The following PCDH15 variants were observed in gnomAD, a reference collection of about 807,000 sequenced individuals.
The protein encoded by PCDH15 is protocadherin related 15.
Under a neutral mutation model 178.5 loss-of-function variants are expected in PCDH15, and 129 were observed. That is an observed-to-expected ratio of 0.72 (90% CI 0.63 to 0.84). The LOEUF (loss-of-function observed/expected upper bound fraction) is 0.84. Ranked by LOEUF, PCDH15 falls within the 40% of genes least tolerant of loss-of-function variation. PCDH15 has a pLI of 0.00. For synonymous variants in PCDH15, 800 were observed against 732.0 expected (o/e 1.09, Z -1.50); for missense variants, 2,230 against 2,099.9 (o/e 1.06, Z -1.21).
intron 2 of PCDH15, among the ~76,000 whole-genome samples, chr10:55,523,493 G>GT (rs1054886013): frequency 5.3e-5 from 8 of 151,288 alleles, no homozygotes; most frequent in East Asian, 1.9e-4. Context: ...CTTACCTATC[G>GT]TTTTTTATGA....
intron 9 of PCDH15, among the ~76,000 whole-genome samples, chr10:54,217,079 C>T (rs1208408711): frequency 1.3e-5 from 2 of 151,948 alleles, no homozygotes; most frequent in Non-Finnish European, 2.9e-5. Context: ...TAGACTGTAA[C>T]ATAAAAAATT....
chr10:55,408,977 T>C (rs988446137), intron 2 of PCDH15, among the ~76,000 whole-genome samples: 14 of 152,212 alleles, frequency 9.2e-5, no homozygotes, highest in Non-Finnish European at 1.9e-4. Flanking sequence ...GTTTTTATCC[T>C]AATTCACTTG....
At chr10:54,375,003 T>C (rs1948194079) in intron 4 of PCDH15, among the ~76,000 whole-genome samples, 1 of 152,106 alleles carries the variant, frequency 6.6e-6, no homozygotes, top group South Asian at 2.1e-4. Flanking sequence ...AGACAGTTTA[T>C]TGCCTCAATG....
chr10:55,566,471 T>C (rs1270205790), intron 2 of PCDH15, among the ~76,000 whole-genome samples: 1 of 150,882 alleles, frequency 6.6e-6, no homozygotes, highest in Non-Finnish European at 1.5e-5. Flanking sequence ...GAAAAAAATA[T>C]GAAAGGAAAA....
chr10:54,236,501 G>C (rs755471460), intron 9 of PCDH15, among the ~76,000 whole-genome samples: 1 of 151,766 alleles, frequency 6.6e-6, no homozygotes, highest in Non-Finnish European at 1.5e-5. Context: ...TTATATTAAA[G>C]CTGAAAGTTG....
In PCDH15 at chr10:54,134,071, A is replaced by G. The variant is rs560111978; in HGVS notation, c.1785-1064T>C. 2.2e-5 allele frequency among the ~76,000 whole-genome samples: 3 copies of G among 134,780 alleles called. 1 individual carries two copies. Among genetic ancestry groups the G allele is most frequent in the Non-Finnish European group, 4.8e-5 (3 of 62,218 alleles). The allele number at this position is 134,780 out of a possible 152,430, so 88.4% of individuals were successfully genotyped here. A position where few individuals can be genotyped will look rare whatever the true frequency, so the allele number is the denominator to read the frequency against. ...ATTTATTTATTTATTTGAGACGGAG[A>G]GTTGCTCTCCAGCCCAGGCTGGAGT... On this transcript the variant is annotated intron_variant, in intron 14 of 37. Transcript: ENST00000644397.
intron 2 of PCDH15, among the ~76,000 whole-genome samples, chr10:54,914,275 A>C (rs1207776862): frequency 6.6e-6 from 1 of 152,098 alleles, no homozygotes; most frequent in Non-Finnish European, 1.5e-5. Flanking sequence ...GTGAGTTATC[A>C]TGAGATTTCA....
chr10:55,374,084 TATAATAATAATAATA>T (rs71461295), intron 2 of PCDH15, among the ~76,000 whole-genome samples: 2,200 of 143,954 alleles, frequency 0.015, 28 homozygotes, highest in Middle Eastern at 0.018. Context: ...GAACTTAAAG[TATAATAATAATAATA>T]ATAATAATAA....
chr10:55,548,275 T>A (rs1461123049), intron 2 of PCDH15, among the ~76,000 whole-genome samples: 7 of 149,410 alleles, frequency 4.7e-5, no homozygotes, highest in Non-Finnish European at 5.9e-5. Flanking sequence ...TAATGAACAG[T>A]GTTATTTTAT....
At chr10:55,306,950 T>C (rs1374048066) in intron 1 of PCDH15, among the ~76,000 whole-genome samples, 1 of 125,258 alleles carries the variant, frequency 8.0e-6, no homozygotes, top group Non-Finnish European at 1.8e-5. Flanking sequence ...ATAGAGAAAC[T>C]AAAATATTAA....
At chr10:54,166,775 A>G (rs1458411579) in intron 13 of PCDH15, among the ~76,000 whole-genome samples, 2 of 152,328 alleles carry the variant, frequency 1.3e-5, no homozygotes, top group African/African-American at 4.8e-5. Flanking sequence ...AAAAGAAGTG[A>G]ATATGCCCTG....
chr10:53,815,092 T>C (rs1261117858), intron 35 of PCDH15, among the ~76,000 whole-genome samples: 1 of 152,144 alleles, frequency 6.6e-6, no homozygotes, highest in Non-Finnish European at 1.5e-5. Context: ...AACAACCCCT[T>C]AGTTGATGAA....
intron 26 of PCDH15, among the ~76,000 whole-genome samples, chr10:53,899,118 T>C (rs74134908): frequency 7.3e-6 from 1 of 136,798 alleles, no homozygotes; most frequent in Non-Finnish European, 1.5e-5. Flanking sequence ...TTATAACATA[T>C]GTTTTTATTT....
chr10:54,287,405 C>T (rs1350473788), intron 8 of PCDH15, among the ~76,000 whole-genome samples: 1 of 152,060 alleles, frequency 6.6e-6, no homozygotes, highest in African/African-American at 2.4e-5. Flanking sequence ...TCATGTAGCA[C>T]ATTTCTTTAA....
chr10:54,463,530 G>A lies in PCDH15; in HGVS notation c.157+64282C>T, dbSNP rs117934844. ...CCCCTAAATGTATTAACAACACTAC[G>A]CCAAAGCCTTGCCAGGAAGCGTTTC... On this transcript the variant is annotated intron_variant, in intron 3 of 37. Coordinates refer to ENST00000644397, the MANE Select transcript of PCDH15 (RefSeq NM_001384140.1). 2.8e-3 allele frequency among the ~76,000 whole-genome samples: 426 copies of A among 152,130 alleles called. 5 individuals carry two copies. Among genetic ancestry groups the A allele is most frequent in the East Asian group, 0.021 (109 of 5,162 alleles).
intron 2 of PCDH15, among the ~76,000 whole-genome samples, chr10:55,545,602 G>C (rs970467024): frequency 3.3e-5 from 5 of 150,902 alleles, no homozygotes; most frequent in African/African-American, 9.7e-5. Flanking sequence ...GTAGAGACAG[G>C]GTTTCACCAT....
chr10:55,438,167 G>GA (rs1839092065), intron 2 of PCDH15, among the ~76,000 whole-genome samples: 1 of 145,388 alleles, frequency 6.9e-6, no homozygotes, highest in Non-Finnish European at 1.5e-5. Flanking sequence ...CTATATTTAA[G>GA]AAAAAAACAA....
At chr10:54,335,806 G>A (rs1940979590) in intron 6 of PCDH15, among the ~76,000 whole-genome samples, 1 of 152,118 alleles carries the variant, frequency 6.6e-6, no homozygotes, top group Admixed American at 6.5e-5. Flanking sequence ...GGGTCCTGCT[G>A]TAAAGATATC....
chr10:55,167,476 T>C (rs1839226787), intron 1 of PCDH15, among the ~76,000 whole-genome samples: 1 of 152,188 alleles, frequency 6.6e-6, no homozygotes, highest in Admixed American at 6.6e-5. Flanking sequence ...ATAATTTTAT[T>C]ATTGCCACAG....
Sources: gnomAD v4.1 joint callset for allele counts (sites outside exome capture counted in the v4.1 genomes callset) on GRCh38, gnomAD v4.1.1 for gene constraint, MANE v1.5 for transcripts, NCBI Gene and HGNC (gene_info 2026-07-23, HGNC 2026-07-21) for gene names.